ARID1A: variants seen among roughly 807,000 people sequenced by gnomAD.
ARID1A encodes AT-rich interactive domain-containing protein 1A.
ARID1A carries 20 observed loss-of-function variants against 212.6 expected under a neutral mutation model. The ratio of observed to expected loss-of-function variants is 0.09; its 90% CI spans 0.07 to 0.14. ARID1A has a LOEUF of 0.14. Ranked by LOEUF, ARID1A falls within the 10% of genes least tolerant of loss-of-function variation. The pLI is 1.00. For synonymous variants in ARID1A, 1,376 were observed against 1,222.1 expected (o/e 1.13, Z -2.63); for missense variants, 2,587 against 3,059.0 (o/e 0.85, Z 3.64).
intron 3 of ARID1A, among the ~76,000 whole-genome samples, chr1:26,732,376 G>A (rs920776177): frequency 6.6e-6 from 1 of 152,084 alleles, no homozygotes; most frequent in African/African-American, 2.4e-5. Context: ...TTTTTTTGTG[G>A]TTTCATTGGT....
At chr1:26,730,289 C>T (rs765656024) in intron 2 of ARID1A, among the ~76,000 whole-genome samples, 2 of 152,132 alleles carry the variant, frequency 1.3e-5, no homozygotes, top group Non-Finnish European at 2.9e-5. Context: ...ATGAATGTGA[C>T]TGGGAGTAGA....
In ARID1A at chr1:26,696,871, G is replaced by A. The variant is rs2124741994; in HGVS notation, c.468G>A (p.Arg156=). ...ACGGCTTCGGGCAACCCTACGGCCGGAGCCCGTCTGCCGTCGCCGCCGCCG... is the reference window on the plus strand; with the variant it reads ...ACGGCTTCGGGCAACCCTACGGCCGAAGCCCGTCTGCCGTCGCCGCCGCCG... ...PAYGFGQPYG[R]SPSAVAAAAA... The change falls in exon 1 of 20, where the codon CGG becomes CGA. Residue 156 remains arginine, a synonymous_variant. Transcript: ENST00000324856. The A allele has an allele frequency of 1.5e-6, 2 of 1,360,418 alleles. No individual in the cohort carries two copies. The highest frequency in any genetic ancestry group is 1.9e-6 in the Non-Finnish European group (2 of 1,058,400). 84.3% of individuals were successfully genotyped at this position (1,360,418 alleles called of 1,614,324 possible).
At chr1:26,714,380 G>A (rs1303430556) in intron 1 of ARID1A, among the ~76,000 whole-genome samples, 1 of 152,010 alleles carries the variant, frequency 6.6e-6, no homozygotes, top group African/African-American at 2.4e-5. Context: ...CTGAGGATTT[G>A]GATGCATCTA....
chr1:26,735,276 C>G (rs144387263), intron 4 of ARID1A, among the ~76,000 whole-genome samples: 1 of 151,726 alleles, frequency 6.6e-6, no homozygotes, highest in Non-Finnish European at 1.5e-5. Context: ...CAGGTGCTCG[C>G]CACTACGCCC....
intron 10 of ARID1A, 83 bp downstream of exon 10, chr1:26,766,649 A>G (rs2081042254): frequency 2.2e-6 from 3 of 1,368,844 alleles, no homozygotes; most frequent in Non-Finnish European, 3.0e-6. Context: ...GAGAGTGACA[A>G]GATCCCAGCC....
chr1:26,707,095 G>A (rs1475176467), intron 1 of ARID1A, among the ~76,000 whole-genome samples: 1 of 151,580 alleles, frequency 6.6e-6, no homozygotes, highest in Non-Finnish European at 1.5e-5. Context: ...GTGCAGTGGG[G>A]CAATTTCAGC....
In ARID1A at chr1:26,696,753, T is replaced by A. The variant is rs2080260000; in HGVS notation, c.350T>A (p.Leu117His). 2 of 1,351,620 alleles carry A rather than the reference T, an allele frequency of 1.5e-6. No individual in the cohort carries two copies. Among genetic ancestry groups the A allele is most frequent in the East Asian group, 3.1e-5 (1 of 31,874 alleles). 83.7% of individuals were successfully genotyped at this position (1,351,620 alleles called of 1,614,324 possible). A position where few individuals can be genotyped will look rare whatever the true frequency, so the allele number is the denominator to read the frequency against. ...CCTAGGCCCGCCCTGAACAATAACC[T>A]CACGGAGCCGCCCGGCGGCGGCGGT... ...AGPRPALNNN[L>H]TEPPGGGGGG... The change falls in exon 1 of 20, where the codon CTC becomes CAC. Residue 117 changes from leucine (L) to histidine (H), a missense_variant. By Grantham distance (99) the Leu-to-His change is moderately conservative (BLOSUM62 -3). Transcript: ENST00000324856.
chr1:26,756,191 C>A (rs1239826389), intron 4 of ARID1A, among the ~76,000 whole-genome samples: 1 of 151,786 alleles, frequency 6.6e-6, no homozygotes, highest in Non-Finnish European at 1.5e-5. Context: ...GAGGGCAGAT[C>A]GCTTGAGCCC....
intron 4 of ARID1A, among the ~76,000 whole-genome samples, chr1:26,734,383 C>T (rs1386921023): frequency 2.8e-5 from 4 of 143,666 alleles, no homozygotes; most frequent in Non-Finnish European, 4.5e-5. Flanking sequence ...AGGCTTGTAT[C>T]CAGAGATGCT....
intron 4 of ARID1A, among the ~76,000 whole-genome samples, chr1:26,735,591 C>G (rs2080721931): frequency 6.6e-6 from 1 of 152,156 alleles, no homozygotes; most frequent in South Asian, 2.1e-4. Context: ...CTCACCCGGC[C>G]TGAAATCCAG....
intron 4 of ARID1A, among the ~76,000 whole-genome samples, chr1:26,756,573 A>AC (rs949221311): frequency 2.6e-4 from 39 of 151,688 alleles, no homozygotes; most frequent in Non-Finnish European, 4.7e-4. Flanking sequence ...TTAAAAAAAA[A>AC]AAAAACAAAA....
Position 26,771,301 on chromosome 1 carries a change from G to A in ARID1A, c.3381G>A (p.Gln1127=). 1 of 1,614,162 alleles carries A rather than the reference G, an allele frequency of 6.2e-7. No homozygotes were observed. Among genetic ancestry groups the A allele is most frequent in the Non-Finnish European group, 8.5e-7 (1 of 1,180,028 alleles). The change falls in exon 12 of 20, where the codon CAG becomes CAA. Residue 1127 remains glutamine (Q), a synonymous_variant. Transcript: ENST00000324856. The surrounding 1 kb of genome is among the most constrained non-coding windows in gnomAD (Gnocchi z 5.4). ...IFAAADSKKS[Q]PKIQPPSPAG... is the part of the protein sequence containing the mutation. Reference sequence around the variant, plus strand: ...CAGCTGCTGATTCCAAGAAGTCCCAGCCCAAGATCCAGCCTCCCTCTCCTG... The same window carrying A: ...CAGCTGCTGATTCCAAGAAGTCCCAACCCAAGATCCAGCCTCCCTCTCCTG...
chr1:26,745,655 T>G (rs1018162031), intron 4 of ARID1A, among the ~76,000 whole-genome samples: 1 of 152,104 alleles, frequency 6.6e-6, no homozygotes, highest in Non-Finnish European at 1.5e-5. Flanking sequence ...TCCAGGGTCA[T>G]TCAGTAAATG....
chr1:26,735,043 T>A (rs1279166116), intron 4 of ARID1A, among the ~76,000 whole-genome samples: 3 of 152,222 alleles, frequency 2.0e-5, no homozygotes, highest in African/African-American at 7.2e-5. Flanking sequence ...TTGGGTGCTA[T>A]TATCCTGATC....
At chr1:26,749,185 A>C (rs1441624420) in intron 4 of ARID1A, among the ~76,000 whole-genome samples, 1 of 151,882 alleles carries the variant, frequency 6.6e-6, no homozygotes, top group East Asian at 1.9e-4. Context: ...AATAATAATA[A>C]TTCTCTGGGG....
At chr1:26,719,312 A>T (rs2080537358) in intron 1 of ARID1A, among the ~76,000 whole-genome samples, 1 of 152,214 alleles carries the variant, frequency 6.6e-6, no homozygotes, top group Non-Finnish European at 1.5e-5. Flanking sequence ...GAGACTGAGT[A>T]TAGGAATTTG....
In ARID1A at chr1:26,780,839, A is replaced by C. The variant is rs2124154459; in HGVS notation, c.*83A>C. 6.7e-7 allele frequency: 1 copy of C among 1,482,662 alleles called. No homozygotes were observed. The highest frequency in any genetic ancestry group is 9.0e-7 in the Non-Finnish European group (1 of 1,112,276). The allele number at this position is 1,482,662 out of a possible 1,614,324, so 91.8% of individuals were successfully genotyped here. A position where few individuals can be genotyped will look rare whatever the true frequency, so the allele number is the denominator to read the frequency against. ...CTGACTGTTGCCCTTTATTTATGCA[A>C]AACCACCTCAGAATCCAGTTTACCC... On this transcript the variant is annotated 3_prime_UTR_variant, in exon 20 of 20. Coordinates refer to ENST00000324856, the MANE Select transcript of ARID1A (RefSeq NM_006015.6). The surrounding 1 kb of genome is among the most constrained non-coding windows in gnomAD (Gnocchi z 7.2).
chr1:26,775,822 T>G, intron 19 of ARID1A, 115 bp downstream of exon 19: 40 of 1,482,792 alleles, frequency 2.7e-5, no homozygotes, highest in Non-Finnish European at 3.5e-5. Flanking sequence ...TGTAGATATC[T>G]TCCATGCCAG....
At chr1:26,698,410 C>T (rs1351551085) in intron 1 of ARID1A, among the ~76,000 whole-genome samples, 1 of 152,202 alleles carries the variant, frequency 6.6e-6, no homozygotes, top group East Asian at 1.9e-4. Flanking sequence ...CTATCGCTGC[C>T]ACTATCTGCC....
Sources: allele counts gnomAD v4.1 joint callset (sites outside exome capture counted in the v4.1 genomes callset), GRCh38; gene constraint gnomAD v4.1.1; non-coding constraint Gnocchi (gnomAD v3.1); transcripts MANE v1.5; gene names NCBI Gene and HGNC (gene_info 2026-07-23, HGNC 2026-07-21).